Variants in KCNQ3 observed in about 807,000 individuals in gnomAD.
KCNQ3 encodes the protein potassium voltage-gated channel subfamily Q member 3, also known as potassium voltage-gated channel subfamily KQT member 3.
Under a neutral mutation model 92.5 loss-of-function variants are expected in KCNQ3, and 30 were observed. That is an observed-to-expected ratio of 0.32 (90% confidence interval 0.24 to 0.44). KCNQ3 has a LOEUF of 0.44. Among genes scored for constraint, KCNQ3 ranks in the 20% least tolerant of loss-of-function variants. The pLI, the probability that KCNQ3 is intolerant of heterozygous loss-of-function variation, is 1.00. For missense variants in KCNQ3, 913 were observed against 1,140.3 expected, an observed-to-expected ratio of 0.80 and a Z score of 2.87; for synonymous variants, 450 against 468.8, an observed-to-expected ratio of 0.96 and a Z score of 0.52.
chr8:132,345,521 G>A (rs897243262), intron 1 of KCNQ3, among the ~76,000 whole-genome samples: 1 of 152,194 alleles, frequency 6.6e-6, no homozygotes, highest in African/African-American at 2.4e-5. Flanking sequence ...ATAATTCCTG[G>A]AGTACAGTTG....
chr8:132,282,378 A>T (rs1816547885), intron 1 of KCNQ3, among the ~76,000 whole-genome samples: 1 of 152,190 alleles, frequency 6.6e-6, no homozygotes, highest in Non-Finnish European at 1.5e-5. Context: ...TCGGCTAAAG[A>T]ATCACAGGGG....
chr8:132,299,729 G>GTC (rs1346231887), intron 1 of KCNQ3, among the ~76,000 whole-genome samples: 2 of 152,212 alleles, frequency 1.3e-5, no homozygotes, highest in Non-Finnish European at 2.9e-5. Context: ...GGAGGTGCCA[G>GTC]TCTGCTTCAG....
chr8:132,412,456 C>A (rs1020976595), intron 1 of KCNQ3, among the ~76,000 whole-genome samples: 4 of 152,158 alleles, frequency 2.6e-5, no homozygotes, highest in African/African-American at 9.7e-5. Context: ...AGGAATATTG[C>A]GACACCTCCA....
At chr8:132,147,956 A>G (rs1313706082) in intron 9 of KCNQ3, among the ~76,000 whole-genome samples, 1 of 152,158 alleles carries the variant, frequency 6.6e-6, no homozygotes, top group Non-Finnish European at 1.5e-5. Context: ...GCTTCCTAAC[A>G]CATGGTCTAT....
At chr8:132,440,227 C>T (rs1821500796) in intron 1 of KCNQ3, among the ~76,000 whole-genome samples, 1 of 152,184 alleles carries the variant, frequency 6.6e-6, no homozygotes, top group Non-Finnish European at 1.5e-5. Flanking sequence ...ATCTCTGTGG[C>T]TCTCTCCTTT....
rs1044376994 is a variant in KCNQ3 at position 132,194,571 on chromosome 8, C to T, written c.387-8390G>A. On this transcript the variant is annotated intron_variant, in intron 1 of 14. Coordinates refer to ENST00000388996, the MANE Select transcript of KCNQ3 (RefSeq NM_004519.4). ...TATTGAAAAGAATCCAGATTGCAGC[C>T]AAGTTAACTGGGGGGAAATGCCATT... Among the ~76,000 whole-genome samples the T allele has an allele frequency of 2.7e-4, 41 of 152,162 alleles. 1 individual carries two copies. Among genetic ancestry groups the T allele is most frequent in the African/African-American group, 9.7e-4 (40 of 41,428 alleles).
intron 1 of KCNQ3, among the ~76,000 whole-genome samples, chr8:132,248,486 T>C (rs1815267227): frequency 1.3e-5 from 2 of 152,168 alleles, no homozygotes; most frequent in African/African-American, 4.8e-5. Flanking sequence ...TCCTTTGTAT[T>C]AGCTTCTAGG....
intron 1 of KCNQ3, among the ~76,000 whole-genome samples, chr8:132,191,029 T>C (rs1827139399): frequency 6.6e-6 from 1 of 152,298 alleles, no homozygotes; most frequent in South Asian, 2.1e-4. Flanking sequence ...ATTTCAGCGA[T>C]TAGCAATGGC....
intron 1 of KCNQ3, among the ~76,000 whole-genome samples, chr8:132,277,695 C>T (rs1034424522): frequency 2.0e-5 from 3 of 152,116 alleles, no homozygotes; most frequent in East Asian, 3.9e-4. Flanking sequence ...TTCGCAGACT[C>T]GCAGATGCTG....
intron 1 of KCNQ3, among the ~76,000 whole-genome samples, chr8:132,200,687 C>T (rs1827431595): frequency 6.6e-6 from 1 of 152,076 alleles, no homozygotes; most frequent in South Asian, 2.1e-4. Context: ...ATAAAATTAG[C>T]TTAGGGCCTG....
intron 1 of KCNQ3, among the ~76,000 whole-genome samples, chr8:132,479,791 T>A (rs1234628328): frequency 6.6e-6 from 1 of 152,024 alleles, no homozygotes; most frequent in African/African-American, 2.4e-5. Flanking sequence ...AACCCTCACA[T>A]TAATTGGAAA....
chr8:132,240,335 C>A (rs566320569), intron 1 of KCNQ3, among the ~76,000 whole-genome samples: 1 of 152,008 alleles, frequency 6.6e-6, no homozygotes, highest in Admixed American at 6.6e-5. Context: ...TACAGGCATG[C>A]GCCACCATGC....
intron 1 of KCNQ3, among the ~76,000 whole-genome samples, chr8:132,252,170 G>T (rs1277269757): frequency 6.6e-6 from 1 of 152,010 alleles, no homozygotes; most frequent in African/African-American, 2.4e-5. Flanking sequence ...GTCCGGAATT[G>T]GTTCCTTCTG....
chr8:132,480,583 G>C lies in KCNQ3; in HGVS notation c.-51C>G, dbSNP rs1404366149. On this transcript the variant is annotated 5_prime_UTR_variant, in exon 1 of 15. Coordinates refer to ENST00000388996, the MANE Select transcript of KCNQ3 (RefSeq NM_004519.4). ...GCCTTCTCCGCTGCTGCTCTGGGAA[G>C]AAGGGGCGCTCGGGGTGCGTGAACG... 5 of 1,248,644 alleles carry C rather than the reference G, an allele frequency of 4.0e-6. No homozygotes were observed. Among genetic ancestry groups the C allele is most frequent in the Non-Finnish European group, 5.1e-6 (5 of 972,838 alleles). 77.3% of individuals were successfully genotyped at this position (1,248,644 alleles called of 1,614,324 possible).
chr8:132,479,949 AACACACACACACAC>A (rs371967111), intron 1 of KCNQ3, among the ~76,000 whole-genome samples, 184 bp downstream of exon 1: 32 of 137,176 alleles, frequency 2.3e-4, no homozygotes, highest in African/African-American at 3.2e-4. Context: ...GGAGAGCGGC[AACACACACACACAC>A]ACACACACAC....
chr8:132,279,796 A>ATG (rs1563838179), intron 1 of KCNQ3, among the ~76,000 whole-genome samples: 1 of 152,068 alleles, frequency 6.6e-6, no homozygotes, highest in Non-Finnish European at 1.5e-5. Context: ...ACACATACTT[A>ATG]TGTGCACATA....
intron 14 of KCNQ3, among the ~76,000 whole-genome samples, chr8:132,131,099 CTAT>C (rs1384682491): frequency 6.6e-6 from 1 of 152,044 alleles, no homozygotes; most frequent in African/African-American, 2.4e-5. Context: ...AAGATGGATA[CTAT>C]TATTATCTCT....
intron 1 of KCNQ3, among the ~76,000 whole-genome samples, chr8:132,279,601 G>A (rs1202661624): frequency 6.6e-6 from 1 of 152,126 alleles, no homozygotes; most frequent in African/African-American, 2.4e-5. Flanking sequence ...CACATAGTAG[G>A]TGACTTATGA....
At chr8:132,212,413 G>A (rs1813890013) in intron 1 of KCNQ3, among the ~76,000 whole-genome samples, 1 of 151,896 alleles carries the variant, frequency 6.6e-6, no homozygotes, top group Non-Finnish European at 1.5e-5. Flanking sequence ...TCCATGAAAA[G>A]CTCTTCAAGC....
Sources: gnomAD v4.1 joint callset for allele counts (sites outside exome capture counted in the v4.1 genomes callset) on GRCh38, gnomAD v4.1.1 for gene constraint, MANE v1.5 for transcripts, NCBI Gene and HGNC (gene_info 2026-07-23, HGNC 2026-07-21) for gene names.